The following STARD13 variants were observed in gnomAD, a reference collection of about 807,000 sequenced individuals.
The protein encoded by STARD13 is StAR related lipid transfer domain containing 13, also known as stAR-related lipid transfer protein 13.
In STARD13, 62 loss-of-function variants were observed where a neutral mutation model predicts 106.4. That is an observed-to-expected ratio of 0.58 (90% CI 0.48 to 0.72). The LOEUF is 0.72. Ranked by LOEUF, STARD13 falls within the 30% of genes least tolerant of loss-of-function variation. The pLI is 0.00. For missense variants in STARD13, 1,387 were observed against 1,424.0 expected, an observed-to-expected ratio of 0.97 and a Z score of 0.42; for synonymous variants, 565 against 553.0, an observed-to-expected ratio of 1.02 and a Z score of -0.31.
At chr13:33,497,871 A>G in the STARD13 span, among the ~76,000 whole-genome samples, 3 of 152,198 alleles carry the variant, frequency 2.0e-5, no homozygotes, top group African/African-American at 7.2e-5. Flanking sequence ...ATGATTTAGT[A>G]AATAACGTAA....
At chr13:33,595,756 A>G in the STARD13 span, among the ~76,000 whole-genome samples, 2 of 152,180 alleles carry the variant, frequency 1.3e-5, no homozygotes, top group African/African-American at 4.8e-5. Flanking sequence ...TCAGCATGGC[A>G]TGGTTTTTAG....
chr13:33,202,721 T>C (rs1315830346), intron 1 of STARD13, among the ~76,000 whole-genome samples: 6 of 152,100 alleles, frequency 3.9e-5, no homozygotes, highest in African/African-American at 1.4e-4. Context: ...AGGAGGATGT[T>C]GGCAAGTGGT....
chr13:33,231,875 C>A (rs1225068973), intron 1 of STARD13, among the ~76,000 whole-genome samples: 1 of 152,168 alleles, frequency 6.6e-6, no homozygotes, highest in Non-Finnish European at 1.5e-5. Flanking sequence ...GGGATTGGTT[C>A]CAGGCTCCCC....
chr13:33,193,213 C>T (rs1235171775), intron 1 of STARD13, among the ~76,000 whole-genome samples: 1 of 152,112 alleles, frequency 6.6e-6, no homozygotes, highest in African/African-American at 2.4e-5. Flanking sequence ...ACATGTTCAC[C>T]ACAGCAGCAT....
chr13:33,669,918 C>A, the STARD13 span, among the ~76,000 whole-genome samples: 1 of 152,180 alleles, frequency 6.6e-6, no homozygotes, highest in Non-Finnish European at 1.5e-5. Flanking sequence ...AAAATCTAAT[C>A]ATTATTCTTT....
the STARD13 span, among the ~76,000 whole-genome samples, chr13:33,596,981 A>G: frequency 1.3e-5 from 2 of 152,214 alleles, no homozygotes. Flanking sequence ...TATTGTGAAT[A>G]GTGCTGCAAT....
At chr13:33,473,269 A>G in the STARD13 span, among the ~76,000 whole-genome samples, 30,948 of 152,160 alleles carry the variant, frequency 0.2, 5,573 homozygotes, top group African/African-American at 0.49. Context: ...TTCATGTAAT[A>G]CTCACAAAGT....
Position 33,130,381 on chromosome 13 carries a change from A to G in STARD13, c.388-92T>C. The G allele has an allele frequency of 8.0e-7, 1 of 1,245,148 alleles. No homozygotes were observed. The highest frequency in any genetic ancestry group is 1.1e-6 in the Non-Finnish European group (1 of 891,536). The allele number at this position is 1,245,148 out of a possible 1,614,324, so 77.1% of individuals were successfully genotyped here. The stretch of plus-strand genomic sequence containing the variant: ...TGAGGGCAGCCCTGTGTGGTCCTCC[A>G]CCTCCCTCCCCTCTGTCCTCCCATG... On this transcript the variant is annotated intron_variant, in intron 4 of 13. Coordinates refer to ENST00000336934, the MANE Select transcript of STARD13 (RefSeq NM_178006.4). This position sits in a 1 kb window ranked among gnomAD's most constrained non-coding sequence, Gnocchi z 4.1.
Position 33,187,793 on chromosome 13 carries a change from G to A in STARD13, c.170-20171C>T, listed in dbSNP as rs148966867. On this transcript the variant is annotated intron_variant, in intron 1 of 13. Transcript: ENST00000336934. ...CGCCTCCCAGGTTCAAATGATTCTC[G>A]TGCCTCAGCCTCTCAAGTAGCTGGG... Among the ~76,000 whole-genome samples, 989 of 152,056 alleles carry A rather than the reference G, an allele frequency of 6.5e-3. 8 individuals are homozygous for A. Among genetic ancestry groups the A allele is most frequent in the African/African-American group, 0.02 (839 of 41,466 alleles).
Sources: gnomAD v4.1 joint callset for allele counts (sites outside exome capture counted in the v4.1 genomes callset) on GRCh38, gnomAD v4.1.1 for gene constraint, Gnocchi (gnomAD v3.1) non-coding constraint, MANE v1.5 for transcripts, NCBI Gene and HGNC (gene_info 2026-07-23, HGNC 2026-07-21) for gene names.